The following NRG1 variants were observed in gnomAD, a reference collection of about 807,000 sequenced individuals.
NRG1 encodes pro-neuregulin-1, membrane-bound isoform.
In NRG1, 18 loss-of-function variants were observed where a neutral mutation model predicts 63.8. The ratio of observed to expected loss-of-function variants is 0.28; its 90% confidence interval spans 0.19 to 0.42. The LOEUF is 0.42. Among genes scored for constraint, NRG1 ranks in the 10% least tolerant of loss-of-function variants. The pLI is 1.00. For missense variants in NRG1, 762 were observed against 814.7 expected, an observed-to-expected ratio of 0.94 and a Z score of 0.79; for synonymous variants, 302 against 301.3, an observed-to-expected ratio of 1.00 and a Z score of -0.02.
At chr8:32,154,635 G>A (rs1248277966) in intron 1 of NRG1, among the ~76,000 whole-genome samples, 1 of 152,138 alleles carries the variant, frequency 6.6e-6, no homozygotes, top group Non-Finnish European at 1.5e-5. Context: ...GTTAATACAA[G>A]GCAGTGAAAA....
chr8:32,405,609 T>C (rs182793970), intron 1 of NRG1, among the ~76,000 whole-genome samples: 2 of 152,200 alleles, frequency 1.3e-5, no homozygotes, highest in South Asian at 2.1e-4. Flanking sequence ...TGTACAGTCA[T>C]GTAGAGACAA....
At chr8:31,810,607 A>G (rs776955668) in intron 1 of NRG1, among the ~76,000 whole-genome samples, 33 of 151,894 alleles carry the variant, frequency 2.2e-4, no homozygotes, top group Non-Finnish European at 3.8e-4. Context: ...CCTCCCTTTA[A>G]TTGTTTCTCA....
intron 1 of NRG1, among the ~76,000 whole-genome samples, chr8:32,300,385 T>A (rs1357658453): frequency 5.3e-5 from 8 of 152,194 alleles, no homozygotes; most frequent in Non-Finnish European, 1.0e-4. Flanking sequence ...TAGGATTAAT[T>A]TTGGTTTTCT....
chr8:32,468,738 T>TC (rs1282407387), intron 1 of NRG1, among the ~76,000 whole-genome samples: 2 of 140,868 alleles, frequency 1.4e-5, no homozygotes, highest in South Asian at 2.2e-4. Flanking sequence ...TTTTTTTTTT[T>TC]CAGCAAGAAG....
chr8:32,430,472 C>T (rs553288041), intron 1 of NRG1, among the ~76,000 whole-genome samples: 16 of 152,212 alleles, frequency 1.1e-4, no homozygotes, highest in East Asian at 5.8e-4. Flanking sequence ...TTTGGTGGCA[C>T]GGAGTGAGGC....
At chr8:31,854,400 G>C (rs1827613605) in intron 1 of NRG1, among the ~76,000 whole-genome samples, 1 of 152,180 alleles carries the variant, frequency 6.6e-6, no homozygotes, top group Non-Finnish European at 1.5e-5. Flanking sequence ...TATTTGCGTA[G>C]AGGTGTTTGT....
intron 1 of NRG1, among the ~76,000 whole-genome samples, chr8:32,449,125 T>C (rs889409061): frequency 9.2e-5 from 14 of 151,878 alleles, no homozygotes; most frequent in African/African-American, 3.4e-4. Context: ...TGAAACCCCA[T>C]CTCTACAAAA....
Position 32,742,789 on chromosome 8 carries a change from G to T in NRG1, c.691+56G>T, listed in dbSNP as rs1265958106. ...AATAGGAGCATGCTCAGTTGGTGCT[G>T]CTTTCTTGTTGCTGCATCTCCCCTC... On this transcript the variant is annotated intron_variant, in intron 7 of 11. Coordinates refer to ENST00000356819, the Ensembl canonical transcript of NRG1. This position sits in a 1 kb window ranked among gnomAD's most constrained non-coding sequence, Gnocchi z 4.2. 1 of 1,613,256 alleles carries T rather than the reference G, an allele frequency of 6.2e-7. No homozygotes were observed. The highest frequency in any genetic ancestry group is 8.5e-7 in the Non-Finnish European group (1 of 1,179,418).
intron 1 of NRG1, among the ~76,000 whole-genome samples, chr8:32,475,460 T>G (rs1157547984): frequency 5.4e-5 from 1 of 18,372 alleles, no homozygotes; most frequent in African/African-American, 1.7e-4. Context: ...AGAGACTCTG[T>G]CTCAAAAAAA....
chr8:32,541,500 C>G (rs1203775694), intron 1 of NRG1, among the ~76,000 whole-genome samples: 1 of 104,044 alleles, frequency 9.6e-6, no homozygotes, highest in Non-Finnish European at 2.0e-5. Flanking sequence ...TCTTATGGAA[C>G]ATACAGGAAA....
chr8:32,559,304 A>G (rs1215413713), intron 1 of NRG1, among the ~76,000 whole-genome samples: 1 of 146,432 alleles, frequency 6.8e-6, no homozygotes, highest in Non-Finnish European at 1.5e-5. Context: ...TTTGATTATG[A>G]ATACAGCAAT....
intron 1 of NRG1, among the ~76,000 whole-genome samples, chr8:31,897,680 G>T (rs4289762): frequency 6.6e-6 from 1 of 151,954 alleles, no homozygotes; most frequent in Non-Finnish European, 1.5e-5. Flanking sequence ...ATTCATTCTA[G>T]GTCTTTAGAC....
At chr8:32,380,212 A>C (rs1465650950) in intron 1 of NRG1, among the ~76,000 whole-genome samples, 1 of 151,972 alleles carries the variant, frequency 6.6e-6, no homozygotes, top group Non-Finnish European at 1.5e-5. Flanking sequence ...TTTTTTTAAT[A>C]ATATATTTTG....
Position 31,640,276 on chromosome 8 carries a change from G to C in NRG1, c.37+845G>C. 4.4e-6 allele frequency: 5 copies of C among 1,135,868 alleles called. No individual in the cohort carries two copies. The highest frequency in any genetic ancestry group is 3.2e-6 in the Non-Finnish European group (3 of 926,736). 70.4% of individuals were successfully genotyped at this position (1,135,868 alleles called of 1,614,324 possible). ...GCAGCGGCGGCAGCAGGGGGCACTCGACAGGAAGGCGGCGGCGGCGGCGGG... is the reference window on the plus strand; with the variant it reads ...GCAGCGGCGGCAGCAGGGGGCACTCCACAGGAAGGCGGCGGCGGCGGCGGG... On this transcript the variant is annotated intron_variant, in intron 1 of 10. Transcript: ENST00000519301. This position sits in a 1 kb window ranked among gnomAD's most constrained non-coding sequence, Gnocchi z 6.3.
chr8:32,615,254 C>CT (rs980553835), intron 4 of NRG1, among the ~76,000 whole-genome samples: 1 of 151,262 alleles, frequency 6.6e-6, no homozygotes, highest in African/African-American at 2.4e-5. Context: ...TTTTCTTATT[C>CT]TTTGTAATGC....
chr8:32,472,016 T>G (rs1823911219), intron 1 of NRG1, among the ~76,000 whole-genome samples: 1 of 152,134 alleles, frequency 6.6e-6, no homozygotes, highest in Admixed American at 6.5e-5. Flanking sequence ...ACTCTCTCCC[T>G]CACAACCACA....
At chr8:32,222,381 T>C (rs747075952) in intron 1 of NRG1, among the ~76,000 whole-genome samples, 4 of 152,294 alleles carry the variant, frequency 2.6e-5, no homozygotes, top group East Asian at 1.9e-4. Context: ...TTGTAAACAA[T>C]TGGAATTTCT....
intron 1 of NRG1, among the ~76,000 whole-genome samples, chr8:31,742,784 T>C (rs763200113): frequency 6.6e-6 from 1 of 151,936 alleles, no homozygotes; most frequent in African/African-American, 2.4e-5. Context: ...ACATGTGGCT[T>C]CTAAGGTCTC....
At chr8:32,327,977 G>T (rs1277416393) in intron 1 of NRG1, among the ~76,000 whole-genome samples, 2 of 152,180 alleles carry the variant, frequency 1.3e-5, no homozygotes, top group African/African-American at 4.8e-5. Flanking sequence ...CTGGGTTTTG[G>T]GGAAACCAGT....
Sources: gnomAD v4.1 joint callset for allele counts (sites outside exome capture counted in the v4.1 genomes callset) on GRCh38, gnomAD v4.1.1 for gene constraint, Gnocchi (gnomAD v3.1) non-coding constraint, MANE v1.5 for transcripts, NCBI Gene and HGNC (gene_info 2026-07-23, HGNC 2026-07-21) for gene names.